BNC2: variants seen among roughly 807,000 people sequenced by gnomAD.
BNC2 encodes basonuclin zinc finger protein 2.
BNC2 carries 20 observed loss-of-function variants against 76.3 expected under a neutral mutation model. That is an observed-to-expected ratio of 0.26 (90% CI 0.18 to 0.38). The LOEUF is 0.38. Among genes scored for constraint, BNC2 ranks in the 10% least tolerant of loss-of-function variants. The probability of loss-of-function intolerance (pLI) is 1.00; values close to 1 mark genes in which losing one functional copy is unlikely to be tolerated. For synonymous variants in BNC2, 582 were observed against 514.8 expected (o/e 1.13, Z -1.77); for missense variants, 1,382 against 1,399.8 (o/e 0.99, Z 0.20).
intron 1 of BNC2, among the ~76,000 whole-genome samples, chr9:16,776,096 C>T (rs1349303033): frequency 6.6e-6 from 1 of 152,132 alleles, no homozygotes; most frequent in Non-Finnish European, 1.5e-5. Flanking sequence ...ATTACCTACC[C>T]CTCAAGTTTA....
chr9:16,715,278 G>A (rs1823966781), intron 3 of BNC2, among the ~76,000 whole-genome samples: 1 of 152,066 alleles, frequency 6.6e-6, no homozygotes, highest in Admixed American at 6.5e-5. Flanking sequence ...CCACACAGGT[G>A]ATTTTTCTTT....
intron 5 of BNC2, among the ~76,000 whole-genome samples, chr9:16,456,262 C>T (rs1359784507): frequency 1.3e-5 from 2 of 152,124 alleles, no homozygotes; most frequent in African/African-American, 4.8e-5. Flanking sequence ...TTTCTTTCAG[C>T]ATCTGTTTTT....
chr9:16,697,854 T>C (rs1448717391), intron 3 of BNC2, among the ~76,000 whole-genome samples: 3 of 152,184 alleles, frequency 2.0e-5, no homozygotes, highest in Non-Finnish European at 4.4e-5. Context: ...AAATTAAGTA[T>C]TGATTGCCAC....
rs371693182 is a variant in BNC2 at position 16,419,345 on chromosome 9, C to T, written c.2944G>A (p.Ala982Thr). Residue 982 changes from alanine to threonine, a missense_variant, in exon 7 of 7, where the codon GCA becomes ACA. This residue lies in a region of BNC2 where 798 missense variants were observed against 775.5 expected (regional missense o/e 1.03). Transcript: ENST00000380672. ...AGAAGAATCCCCTCATCGCTGCCTG[C>T]GTCGGATTCTCTGGAGGAATGGATA... ...SSIHSSRESD[A>T]GSDEGILLDD... is the part of the protein sequence containing the mutation. 21 of 1,610,662 alleles carry T rather than the reference C, an allele frequency of 1.3e-5. No homozygotes were observed. The highest frequency in any genetic ancestry group is 5.0e-5 in the Admixed American group (3 of 59,754).
At chr9:16,504,396 AATTAT>A (rs1822583280) in intron 5 of BNC2, among the ~76,000 whole-genome samples, 1 of 149,466 alleles carries the variant, frequency 6.7e-6, no homozygotes, top group Non-Finnish European at 1.5e-5. Context: ...CCTCTCTCAC[AATTAT>A]ATCTATTCCA....
intron 5 of BNC2, among the ~76,000 whole-genome samples, chr9:16,548,507 G>C (rs1235662824): frequency 6.6e-6 from 1 of 151,828 alleles, no homozygotes; most frequent in Non-Finnish European, 1.5e-5. Flanking sequence ...CCGGGTTCAA[G>C]GAATTCTCCC....
At chr9:16,577,886 T>C (rs753139126) in intron 4 of BNC2, among the ~76,000 whole-genome samples, 7 of 152,092 alleles carry the variant, frequency 4.6e-5, no homozygotes, top group Non-Finnish European at 8.8e-5. Context: ...GTATATCCTT[T>C]CATTTAAAGT....
chr9:16,430,141 A>T, intron 6 of BNC2: 1 of 420,010 alleles, frequency 2.4e-6, no homozygotes, highest in Non-Finnish European at 4.8e-6. Context: ...ATGGAAGATA[A>T]GTACAAAAGG....
At chr9:16,629,013 A>T (rs923960412) in intron 3 of BNC2, among the ~76,000 whole-genome samples, 1 of 152,234 alleles carries the variant, frequency 6.6e-6, no homozygotes, top group Non-Finnish European at 1.5e-5. Context: ...TCTGCAAAAA[A>T]GAAATACCTA....
chr9:16,837,949 C>T (rs1253091859), intron 1 of BNC2, among the ~76,000 whole-genome samples: 1 of 151,818 alleles, frequency 6.6e-6, no homozygotes, highest in African/African-American at 2.4e-5. Context: ...CAAAGGGTTT[C>T]TACTCTTTCA....
chr9:16,544,597 C>G (rs1445072265), intron 5 of BNC2, among the ~76,000 whole-genome samples: 1 of 151,952 alleles, frequency 6.6e-6, no homozygotes, highest in Non-Finnish European at 1.5e-5. Context: ...GTGAGTGGTT[C>G]ACTTGAGGTC....
At chr9:16,533,047 A>G (rs1465172991) in intron 5 of BNC2, among the ~76,000 whole-genome samples, 3 of 152,236 alleles carry the variant, frequency 2.0e-5, no homozygotes, top group Non-Finnish European at 4.4e-5. Context: ...TTATTTGTAA[A>G]TATACACTCA....
At position 16,539,704 on chromosome 9, in the gene BNC2, G is replaced by GAGGA. The variant is rs201662494; in HGVS notation, c.669+12822_669+12825dup. On this transcript the variant is annotated intron_variant, in intron 5 of 6. Coordinates refer to ENST00000380672, the MANE Select transcript of BNC2 (RefSeq NM_017637.6). ...GAAGGAAGGAAGGGAGAAAGGAAGG[G>GAGGA]AGGAAGGAAGGAAGGGGAAGGAAAA... Among the ~76,000 whole-genome samples, 953 of 128,990 alleles carry GAGGA rather than the reference G, an allele frequency of 7.4e-3. 23 individuals carry two copies. The highest frequency in any genetic ancestry group is 0.012 in the Non-Finnish European group (770 of 62,500). 84.6% of individuals were successfully genotyped at this position (128,990 alleles called of 152,430 possible).
intron 5 of BNC2, among the ~76,000 whole-genome samples, chr9:16,524,784 G>GA (rs1248179721): frequency 6.6e-6 from 1 of 152,190 alleles, no homozygotes; most frequent in Admixed American, 6.5e-5. Context: ...CAGTAAGACT[G>GA]AAATTCAGGC....
chr9:16,790,592 G>A (rs941042958), intron 1 of BNC2, among the ~76,000 whole-genome samples: 6 of 152,082 alleles, frequency 3.9e-5, no homozygotes, highest in Non-Finnish European at 5.9e-5. Flanking sequence ...GTTCAGACTT[G>A]CTTCCAACAT....
At chr9:16,562,780 T>C (rs1819053492) in intron 4 of BNC2, among the ~76,000 whole-genome samples, 1 of 152,222 alleles carries the variant, frequency 6.6e-6, no homozygotes, top group South Asian at 2.1e-4. Context: ...CACTAAATTG[T>C]GTGATACACA....
At chr9:16,640,781 G>A (rs77983759) in intron 3 of BNC2, among the ~76,000 whole-genome samples, 7,244 of 152,182 alleles carry the variant, frequency 0.048, 388 homozygotes, top group South Asian at 0.14. Context: ...ACTAGCTAGG[G>A]AAGAGTCCAA....
intron 5 of BNC2, among the ~76,000 whole-genome samples, chr9:16,525,572 A>G (rs181419816): frequency 7.2e-5 from 11 of 152,348 alleles, no homozygotes; most frequent in Admixed American, 7.2e-4. Flanking sequence ...AACAACCAGA[A>G]TACCAAAGAT....
At chr9:16,853,751 C>G (rs536080477) in intron 1 of BNC2, among the ~76,000 whole-genome samples, 91 of 152,118 alleles carry the variant, frequency 6.0e-4, no homozygotes, top group Non-Finnish European at 1.1e-3. Flanking sequence ...ATCTGTAATC[C>G]CAGCTACTCG....
Sources: allele counts gnomAD v4.1 joint callset (sites outside exome capture counted in the v4.1 genomes callset), GRCh38; gene constraint gnomAD v4.1.1; regional missense constraint gnomAD v4.1.1; transcripts MANE v1.5; gene names NCBI Gene and HGNC (gene_info 2026-07-23, HGNC 2026-07-21).